Variants in KIF26B observed in about 807,000 individuals in gnomAD.
KIF26B encodes kinesin family member 26B, also known as kinesin-like protein KIF26B.
KIF26B carries 63 observed loss-of-function variants against 151.2 expected under a neutral mutation model. The ratio of observed to expected loss-of-function variants is 0.42; its 90% CI spans 0.34 to 0.51. The LOEUF (loss-of-function observed/expected upper bound fraction) is 0.51, where lower values mean the gene tolerates loss of function less well. KIF26B is among the 20% of genes least tolerant of loss of function. The probability of loss-of-function intolerance (pLI) is 0.07; values close to 1 mark genes in which losing one functional copy is unlikely to be tolerated. For synonymous variants in KIF26B, 1,357 were observed against 1,262.1 expected (o/e 1.08, Z -1.59); for missense variants, 2,813 against 2,913.6 (o/e 0.97, Z 0.79).
chr1:245,341,343 C>T, intron 2 of KIF26B, among the ~76,000 whole-genome samples: 1 of 90,814 alleles, frequency 1.1e-5, no homozygotes, highest in South Asian at 4.4e-4. Flanking sequence ...TTTTTTGAGA[C>T]ACTGTCTTGC....
At chr1:245,184,050 G>GTTTGTTTTTTTTT (rs1668954964) in intron 2 of KIF26B, among the ~76,000 whole-genome samples, 7 of 19,804 alleles carry the variant, frequency 3.5e-4, no homozygotes, top group African/African-American at 1.1e-3. Context: ...GGGAGTTGTT[G>GTTTGTTTTTTTTT]TTTTTTTTTT....
chr1:245,289,688 G>T (rs12033259), intron 2 of KIF26B, among the ~76,000 whole-genome samples: 100,610 of 151,868 alleles, frequency 0.66, 34,362 homozygotes, highest in African/African-American at 0.83. Flanking sequence ...TGAAACTTTT[G>T]ATGTGGTGAT....
intron 4 of KIF26B, among the ~76,000 whole-genome samples, chr1:245,494,274 C>A (rs1427376274): frequency 6.6e-6 from 1 of 151,652 alleles, no homozygotes; most frequent in Non-Finnish European, 1.5e-5. Flanking sequence ...CCATTGCACT[C>A]CACCCTGGGC....
chr1:245,337,862 CTT>C (rs1338257453), intron 2 of KIF26B, among the ~76,000 whole-genome samples: 2 of 152,168 alleles, frequency 1.3e-5, no homozygotes, highest in African/African-American at 4.8e-5. Flanking sequence ...TTAAAAGAAA[CTT>C]ATCACCCTTC....
In KIF26B at chr1:245,241,576, A is replaced by C. The variant is rs1573728080; in HGVS notation, c.465+84893A>C. Reference sequence around the variant, plus strand: ...AGGGCCTTCTTAAAAGCTGGCCCAAACCTGCCCTTTCCTTGCAGCCCAATG... The same window carrying C: ...AGGGCCTTCTTAAAAGCTGGCCCAACCCTGCCCTTTCCTTGCAGCCCAATG... On this transcript the variant is annotated intron_variant, in intron 2 of 14. Transcript: ENST00000407071. This position sits in a 1 kb window ranked among gnomAD's most constrained non-coding sequence, Gnocchi z 5.0. Among the ~76,000 whole-genome samples the C allele has an allele frequency of 5.3e-5, 8 of 152,186 alleles. No individual in the cohort carries two copies. The highest frequency in any genetic ancestry group is 1.2e-4 in the Non-Finnish European group (8 of 68,024).
At position 245,699,995 on chromosome 1, in the gene KIF26B, T is replaced by TCCACATGTAACTGCAGTCTCGCAG. The variant is rs2044748303; in HGVS notation, c.6178+960_6178+983dup. Among the ~76,000 whole-genome samples, 3 of 152,232 alleles carry TCCACATGTAACTGCAGTCTCGCAG rather than the reference T, an allele frequency of 2.0e-5. No individual in the cohort carries two copies. The South Asian group carries it at 6.2e-4, about 32-fold the overall frequency. On this transcript the variant is annotated intron_variant, in intron 14 of 14. Coordinates refer to ENST00000407071, the MANE Select transcript of KIF26B (RefSeq NM_018012.4). ...ACTTGTCAGCCTCCCAGCTGTGCCT[T>TCCACATGTAACTGCAGTCTCGCAG]CCACATGTAACTGCAGTCTCGCAGC...
At chr1:245,162,096 A>G (rs1332548191) in intron 2 of KIF26B, among the ~76,000 whole-genome samples, 1 of 152,256 alleles carries the variant, frequency 6.6e-6, no homozygotes, top group Non-Finnish European at 1.5e-5. Flanking sequence ...AGAGTTCTTC[A>G]GCCGGCCATT....
At chr1:245,401,868 TC>T (rs771671195) in intron 3 of KIF26B, among the ~76,000 whole-genome samples, 14,774 of 146,370 alleles carry the variant, frequency 0.1, 964 homozygotes, top group East Asian at 0.24. Flanking sequence ...AGATTCCATC[TC>T]CAAACAAACA....
intron 2 of KIF26B, among the ~76,000 whole-genome samples, chr1:245,270,115 G>C (rs1670823703): frequency 8.5e-6 from 1 of 117,928 alleles, no homozygotes; most frequent in Non-Finnish European, 1.8e-5. Context: ...ACTTTCTGCT[G>C]TTCTTTTTTC....
intron 5 of KIF26B, among the ~76,000 whole-genome samples, chr1:245,557,296 G>A (rs1265374559): frequency 6.6e-6 from 1 of 152,212 alleles, no homozygotes; most frequent in Admixed American, 6.5e-5. Context: ...TGAATTTGAA[G>A]GCTAAGGTCA....
chr1:245,205,462 CAAT>C (rs149425079), intron 2 of KIF26B, among the ~76,000 whole-genome samples: 3 of 151,772 alleles, frequency 2.0e-5, no homozygotes, highest in Non-Finnish European at 4.4e-5. Flanking sequence ...TTGAAGTGTA[CAAT>C]AATAATAATA....
intron 10 of KIF26B, among the ~76,000 whole-genome samples, chr1:245,677,669 C>A (rs781197201): frequency 6.6e-6 from 1 of 152,244 alleles, no homozygotes; most frequent in Admixed American, 6.5e-5. Context: ...AGAGCAGATA[C>A]CTTCCCCAGA....
chr1:245,287,819 A>C (rs1481390623), intron 2 of KIF26B, among the ~76,000 whole-genome samples: 2 of 151,990 alleles, frequency 1.3e-5, no homozygotes, highest in Admixed American at 6.6e-5. Context: ...CTTTACTGAC[A>C]CGTGCCCACA....
chr1:245,465,271 C>T (rs1348961536), intron 4 of KIF26B, among the ~76,000 whole-genome samples: 1 of 152,210 alleles, frequency 6.6e-6, no homozygotes, highest in Non-Finnish European at 1.5e-5. Flanking sequence ...AGCCACCGCG[C>T]CCGGACCCAT....
chr1:245,488,048 A>C lies in KIF26B; in HGVS notation c.1167-52719A>C, dbSNP rs1654576253. 6.6e-6 allele frequency among the ~76,000 whole-genome samples: 1 copy of C among 152,082 alleles called. No individual in the cohort carries two copies. The highest frequency in any genetic ancestry group is 2.1e-4 in the South Asian group (1 of 4,820). On this transcript the variant is annotated intron_variant, in intron 4 of 14. Transcript: ENST00000407071. This position sits in a 1 kb window ranked among gnomAD's most constrained non-coding sequence, Gnocchi z 4.6. ...GGTGATCCACCCACCTCAGCCTGCC[A>C]AAGTGCTGGGATTACAGGCATGAGC...
chr1:245,182,449 A>G (rs1668922951), intron 2 of KIF26B, among the ~76,000 whole-genome samples: 1 of 152,136 alleles, frequency 6.6e-6, no homozygotes, highest in South Asian at 2.1e-4. Flanking sequence ...GTATAAACAT[A>G]CCACATGCTG....
chr1:245,305,876 T>TG (rs201373949), intron 2 of KIF26B, among the ~76,000 whole-genome samples: 31,205 of 146,392 alleles, frequency 0.21, 3,459 homozygotes, highest in Admixed American at 0.33. Context: ...AGGCAGAGCT[T>TG]TAGTGAGCCG....
rs774021744 is a variant in KIF26B, at chr1:245,646,174, G to A, written c.2152G>A (p.Ala718Thr). The A allele has an allele frequency of 5.0e-6, 8 of 1,613,960 alleles. No homozygotes were observed. In the East Asian group the frequency reaches 1.1e-4, roughly 22 times the overall value. ...CATTGATCTCGGCAGCTGTGTGAAA[G>A]CTCTTAGCAAAAATCGAGAAGGAGG... The part of the protein sequence containing the change: ...HLIDLGSCVK[A>T]LSKNREGGSG... The change falls in exon 10 of 15, where the codon GCT becomes ACT. Residue 718 changes from alanine to threonine, a missense_variant. By Grantham distance (58) the Ala-to-Thr change is moderately conservative. This residue lies in a region of KIF26B where 2,060 missense variants were observed against 2,088.6 expected (regional missense o/e 0.99). Transcript: ENST00000407071.
chr1:245,260,185 C>T (rs1255497533), intron 2 of KIF26B, among the ~76,000 whole-genome samples: 4 of 152,144 alleles, frequency 2.6e-5, no homozygotes, highest in African/African-American at 9.7e-5. Context: ...GGCTGTTTGC[C>T]TGCCCCTCCC....
Sources: gnomAD v4.1 joint callset for allele counts (sites outside exome capture counted in the v4.1 genomes callset) on GRCh38, gnomAD v4.1.1 for gene constraint, gnomAD v4.1.1 regional missense constraint, Gnocchi (gnomAD v3.1) non-coding constraint, MANE v1.5 for transcripts, NCBI Gene and HGNC (gene_info 2026-07-23, HGNC 2026-07-21) for gene names.